The following ANKFN1 variants were observed in gnomAD, a reference collection of about 807,000 sequenced individuals.
ANKFN1 encodes ankyrin repeat and fibronectin type III domain containing 1.
Under a neutral mutation model 108.7 loss-of-function variants are expected in ANKFN1, and 74 were observed. The ratio of observed to expected loss-of-function variants is 0.68; its 90% confidence interval spans 0.56 to 0.83. The LOEUF is 0.83. Among genes scored for constraint, ANKFN1 ranks in the 40% least tolerant of loss-of-function variants. The pLI is 0.00. For missense variants in ANKFN1, 1,505 were observed against 1,382.3 expected, an observed-to-expected ratio of 1.09 and a Z score of -1.41; for synonymous variants, 547 against 516.2, an observed-to-expected ratio of 1.06 and a Z score of -0.81.
rs757988569 is a variant in ANKFN1, at chr17:56,088,621, C to T, written c.288+42296C>T. 2.8e-4 allele frequency among the ~76,000 whole-genome samples: 42 copies of T among 151,120 alleles called. 1 individual carries two copies. The highest frequency in any genetic ancestry group is 5.3e-4 in the Non-Finnish European group (36 of 67,662). ...CCTCCACTCTCATCTCCTCTCCCCT[C>T]CCCAGCTACCTCTGGGGCATGACTC... is the stretch of plus-strand genomic sequence containing the variant. On this transcript the variant is annotated intron_variant, in intron 4 of 12. Coordinates refer to the ANKFN1 transcript ENST00000635860.
intron 1 of ANKFN1, among the ~76,000 whole-genome samples, chr17:56,171,068 A>G (rs906077664): frequency 2.0e-5 from 3 of 151,878 alleles, no homozygotes; most frequent in Non-Finnish European, 2.9e-5. Flanking sequence ...AGTTATTTGC[A>G]GGAGTTAGAA....
intron 4 of ANKFN1, among the ~76,000 whole-genome samples, chr17:56,089,564 T>C (rs74614408): frequency 0.015 from 2,250 of 151,566 alleles, 114 homozygotes; most frequent in African/African-American, 0.052. Flanking sequence ...TAGTATCAGT[T>C]ATTTTAAGAT....
chr17:56,368,275 A>AATTT, intron 6 of ANKFN1: 4 of 31,324 alleles, frequency 1.3e-4, no homozygotes, highest in Non-Finnish European at 4.1e-4. Flanking sequence ...CTGAAAATGA[A>AATTT]CTTTTTTTTT....
intron 10 of ANKFN1, among the ~76,000 whole-genome samples, chr17:56,447,497 G>T (rs529544042): frequency 2.0e-5 from 3 of 152,238 alleles, no homozygotes; most frequent in South Asian, 2.1e-4. Flanking sequence ...AGATATTATT[G>T]CCCTGGCTGT....
chr17:56,335,929 C>T (rs1036178306), intron 4 of ANKFN1, among the ~76,000 whole-genome samples: 3 of 152,090 alleles, frequency 2.0e-5, no homozygotes, highest in Non-Finnish European at 4.4e-5. Context: ...GCATGAAATG[C>T]TGTTGAATTT....
chr17:56,466,699 T>C (rs1042984371), intron 15 of ANKFN1, 128 bp downstream of exon 15: 3 of 755,628 alleles, frequency 4.0e-6, no homozygotes, highest in East Asian at 5.4e-5. Flanking sequence ...CAGAGATATG[T>C]TGTTGCAAAT....
rs375532646 is a variant in ANKFN1 at position 56,442,835 on chromosome 17, C to T, written c.1009-8C>T. 10 of 1,613,268 alleles carry T rather than the reference C, an allele frequency of 6.2e-6. No homozygotes were observed. Among genetic ancestry groups the T allele is most frequent in the Non-Finnish European group, 7.6e-6 (9 of 1,179,482 alleles). On this transcript the variant is annotated splice_region_variant and splice_polypyrimidine_tract_variant and intron_variant, in intron 9 of 20. Coordinates refer to ENST00000682825, the MANE Select transcript of ANKFN1 (RefSeq NM_001370326.1). ...AAATGCCTGATGCATCATTTCAATA[C>T]TTTGCAGGGCCAACAGTATTTTGTT...
At chr17:56,474,146 G>T (rs189722713) in intron 15 of ANKFN1, among the ~76,000 whole-genome samples, 1 of 152,094 alleles carries the variant, frequency 6.6e-6, no homozygotes, top group African/African-American at 2.4e-5. Flanking sequence ...TGATTTCTTT[G>T]TCCAGAATGT....
intron 4 of ANKFN1, among the ~76,000 whole-genome samples, chr17:56,137,169 A>G (rs1396976368): frequency 6.6e-6 from 1 of 152,232 alleles, no homozygotes; most frequent in East Asian, 1.9e-4. Context: ...ATTTGGAAGT[A>G]TAATGGGGGA....
intron 2 of ANKFN1, among the ~76,000 whole-genome samples, chr17:56,224,269 A>T (rs1360733688): frequency 2.0e-5 from 3 of 152,258 alleles, no homozygotes; most frequent in African/African-American, 7.2e-5. Flanking sequence ...CAGGTAATTT[A>T]CGTGGTTACC....
Position 56,242,983 on chromosome 17 carries a change from G to A in ANKFN1, c.53+15026G>A, listed in dbSNP as rs1048466017. 4.6e-5 allele frequency among the ~76,000 whole-genome samples: 7 copies of A among 151,874 alleles called. No individual in the cohort carries two copies. The East Asian group carries it at 5.8e-4, about 13-fold the overall frequency. On this transcript the variant is annotated intron_variant, in intron 3 of 20. Transcript: ENST00000682825. ...GTGAAATATTCATAGATTTTCTGAC[G>A]TTAAACTATTATTGCATTCTTGGCA...
At chr17:56,125,779 T>C (rs1906889557) in intron 4 of ANKFN1, among the ~76,000 whole-genome samples, 1 of 152,016 alleles carries the variant, frequency 6.6e-6, no homozygotes. Flanking sequence ...TAAGTAGAGA[T>C]GGAAATGCTC....
intron 4 of ANKFN1, among the ~76,000 whole-genome samples, chr17:56,071,305 T>C (rs944912706): frequency 6.6e-6 from 1 of 152,210 alleles, no homozygotes; most frequent in Non-Finnish European, 1.5e-5. Flanking sequence ...TTCAGGTTGC[T>C]CAACCCCTAC....
At chr17:56,402,902 T>A (rs535649674) in intron 8 of ANKFN1, among the ~76,000 whole-genome samples, 1 of 152,122 alleles carries the variant, frequency 6.6e-6, no homozygotes, top group Non-Finnish European at 1.5e-5. Flanking sequence ...GTAGGTTGTG[T>A]CATTATTGTT....
At chr17:56,342,884 G>A (rs2045995652) in intron 4 of ANKFN1, among the ~76,000 whole-genome samples, 1 of 151,974 alleles carries the variant, frequency 6.6e-6, no homozygotes, top group Non-Finnish European at 1.5e-5. Context: ...ACTGTCAGTG[G>A]GGTGTTAGAG....
chr17:56,316,514 G>A (rs1598397651), intron 3 of ANKFN1, among the ~76,000 whole-genome samples: 1 of 152,106 alleles, frequency 6.6e-6, no homozygotes, highest in Non-Finnish European at 1.5e-5. Flanking sequence ...AATACGGAAG[G>A]CTTCTTTAGA....
intron 8 of ANKFN1, among the ~76,000 whole-genome samples, chr17:56,425,843 C>T (rs768791873): frequency 6.6e-6 from 1 of 152,152 alleles, no homozygotes; most frequent in Non-Finnish European, 1.5e-5. Flanking sequence ...TTGACTTGAC[C>T]GTCTCGCTTC....
intron 8 of ANKFN1, among the ~76,000 whole-genome samples, chr17:56,400,893 G>A (rs2047740552): frequency 6.6e-6 from 1 of 151,984 alleles, no homozygotes; most frequent in African/African-American, 2.4e-5. Flanking sequence ...AAATCGGTTG[G>A]CTGTAAGTAT....
intron 8 of ANKFN1, among the ~76,000 whole-genome samples, chr17:56,417,002 A>G (rs2048259263): frequency 6.6e-6 from 1 of 152,074 alleles, no homozygotes; most frequent in Non-Finnish European, 1.5e-5. Flanking sequence ...GGGAGCTACA[A>G]ATCAAAACAA....
Sources: gnomAD v4.1 joint callset for allele counts (sites outside exome capture counted in the v4.1 genomes callset) on GRCh38, gnomAD v4.1.1 for gene constraint, MANE v1.5 for transcripts, NCBI Gene and HGNC (gene_info 2026-07-23, HGNC 2026-07-21) for gene names.